Variants in EDN3 observed in about 807,000 individuals in gnomAD.
EDN3 encodes endothelin 3.
Under a neutral mutation model 21.4 loss-of-function variants are expected in EDN3, and 9 were observed. The ratio of observed to expected loss-of-function variants is 0.42; its 90% CI spans 0.25 to 0.73. EDN3 has a LOEUF of 0.73. Among genes scored for constraint, EDN3 ranks in the 30% least tolerant of loss-of-function variants. The pLI, the probability that EDN3 is intolerant of heterozygous loss-of-function variation, is 0.26. For missense variants in EDN3, 327 were observed against 309.4 expected, an observed-to-expected ratio of 1.06 and a Z score of -0.43; for synonymous variants, 133 against 126.2, an observed-to-expected ratio of 1.05 and a Z score of -0.36.
Position 59,301,741 on chromosome 20 carries a change from G to T in EDN3, c.365+19G>T. Reference sequence around the variant, plus strand: ...CTCCCGAGTAAGTCAGCCTTTTGTGGTGAGGAACGTGGCTCCCGGACCAGG... The same window carrying T: ...CTCCCGAGTAAGTCAGCCTTTTGTGTTGAGGAACGTGGCTCCCGGACCAGG... On this transcript the variant is annotated intron_variant, in intron 2 of 4. Transcript: ENST00000337938. The T allele has an allele frequency of 6.2e-7, 1 of 1,613,758 alleles. No homozygotes were observed. Among genetic ancestry groups the T allele is most frequent in the Middle Eastern group, 1.7e-4 (1 of 6,060 alleles).
chr20:59,301,808 G>C (rs942042180), intron 2 of EDN3, 86 bp downstream of exon 2: 265 of 1,465,726 alleles, frequency 1.8e-4, no homozygotes, highest in Non-Finnish European at 1.3e-4. Context: ...CTCCACCCCA[G>C]CCCCGCTCAG....
rs370683498 is a variant in EDN3, at chr20:59,322,931, A to T, written c.588+514A>T. Among the ~76,000 whole-genome samples the T allele has an allele frequency of 6.6e-6, 1 of 151,804 alleles. No individual in the cohort carries two copies. Among genetic ancestry groups the T allele is most frequent in the African/African-American group, 2.4e-5 (1 of 41,296 alleles). ...CCTTGGTTCTCCAGTTCATTGTATT[A>T]TTTTTTTTAACCCACTTGTCTTTTT... On this transcript the variant is annotated intron_variant, in intron 4 of 4. Transcript: ENST00000337938. This position sits in a 1 kb window ranked among gnomAD's most constrained non-coding sequence, Gnocchi z 4.1.
chr20:59,319,066 G>A (rs971710948), intron 2 of EDN3, among the ~76,000 whole-genome samples: 3 of 152,092 alleles, frequency 2.0e-5, no homozygotes, highest in Admixed American at 2.0e-4. Flanking sequence ...GAGAAAAAAC[G>A]GGCTTGAAGG....
chr20:59,303,460 C>T (rs1989186049), intron 2 of EDN3, among the ~76,000 whole-genome samples: 1 of 152,186 alleles, frequency 6.6e-6, no homozygotes, highest in Non-Finnish European at 1.5e-5. Flanking sequence ...TGGGCAGTCA[C>T]CAGGAACCGA....
chr20:59,321,778 G>A (rs1165058236), intron 3 of EDN3, among the ~76,000 whole-genome samples: 1 of 152,206 alleles, frequency 6.6e-6, no homozygotes, highest in Non-Finnish European at 1.5e-5. Context: ...CCCCAAGTTT[G>A]AGACCCTGTG....
In EDN3 at chr20:59,305,456, T is replaced by G. The variant is rs2146828161; in HGVS notation, c.365+3734T>G. Among the ~76,000 whole-genome samples the G allele has an allele frequency of 6.6e-6, 1 of 152,274 alleles. No homozygotes were observed. On this transcript the variant is annotated intron_variant, in intron 2 of 4. Coordinates refer to ENST00000337938, the MANE Select transcript of EDN3 (RefSeq NM_207034.3). This position sits in a 1 kb window ranked among gnomAD's most constrained non-coding sequence, Gnocchi z 4.2. ...GGGGCCTGTAGGAGTCAGGGTTCTC[T>G]AGAGAGACAGAACCAACAGGGTGTG...
intron 2 of EDN3, among the ~76,000 whole-genome samples, chr20:59,315,276 C>A (rs1342534329): frequency 1.3e-5 from 2 of 152,248 alleles, no homozygotes; most frequent in Non-Finnish European, 2.9e-5. Flanking sequence ...TGGTGCCTGG[C>A]AGCTGGGGGC....
At chr20:59,323,198 G>C (rs1473878930) in intron 4 of EDN3, among the ~76,000 whole-genome samples, 1 of 152,130 alleles carries the variant, frequency 6.6e-6, no homozygotes, top group African/African-American at 2.4e-5. Flanking sequence ...AGTCCAGAGA[G>C]GGATCTGTCA....
At chr20:59,306,597 A>G (rs950888347) in intron 2 of EDN3, among the ~76,000 whole-genome samples, 10 of 91,040 alleles carry the variant, frequency 1.1e-4, no homozygotes, top group African/African-American at 3.1e-4. Context: ...ATAAAGAGTA[A>G]AAAAAAAAAA....
intron 2 of EDN3, among the ~76,000 whole-genome samples, chr20:59,304,736 G>A (rs937984035): frequency 3.3e-5 from 5 of 152,152 alleles, no homozygotes; most frequent in African/African-American, 9.7e-5. Context: ...TCAGGCTCAA[G>A]AGACTAGTTG....
At chr20:59,316,264 A>G (rs1049816590) in intron 2 of EDN3, among the ~76,000 whole-genome samples, 1 of 152,240 alleles carries the variant, frequency 6.6e-6, no homozygotes, top group Non-Finnish European at 1.5e-5. Context: ...GTACTGGATT[A>G]AAAGTGTATG....
rs1489950048 is a variant in EDN3, at chr20:59,324,871, C to T, written c.*412C>T. The T allele has an allele frequency of 1.3e-5, 4 of 307,182 alleles. No homozygotes were observed. The highest frequency in any genetic ancestry group is 9.9e-5 in the South Asian group (3 of 30,416). The allele number at this position is 307,182 out of a possible 1,614,324, so 19.0% of individuals were successfully genotyped here. A position where few individuals can be genotyped will look rare whatever the true frequency, so the allele number is the denominator to read the frequency against. On this transcript the variant is annotated 3_prime_UTR_variant, in exon 5 of 5. Coordinates refer to ENST00000337938, the MANE Select transcript of EDN3 (RefSeq NM_207034.3). ...AAAATGCCCGTGCAGCAGAAGCATG[C>T]GACTTTCATATCCTTGCCTAGAATA...
chr20:59,303,029 G>A (rs1352278282), intron 2 of EDN3, among the ~76,000 whole-genome samples: 1 of 152,216 alleles, frequency 6.6e-6, no homozygotes, highest in Non-Finnish European at 1.5e-5. Flanking sequence ...CATGCTTGAA[G>A]GGCAGGCAGG....
intron 2 of EDN3, among the ~76,000 whole-genome samples, chr20:59,314,173 C>T (rs1045674587): frequency 2.0e-5 from 3 of 152,138 alleles, no homozygotes; most frequent in Admixed American, 6.5e-5. Flanking sequence ...AGTGCACACA[C>T]TTGGGGGAAA....
Position 59,300,823 on chromosome 20 carries a change from G to C in EDN3, c.11G>C (p.Gly4Ala), listed in dbSNP as rs202140125. 44 of 1,611,322 alleles carry C rather than the reference G, an allele frequency of 2.7e-5. 1 individual carries two copies. The African/African-American group carries it at 5.7e-4, about 21-fold the overall frequency. MEP[G>A]LWLLFGLTVT... Reference sequence around the variant, plus strand: ...GCCTGATCTAGGTTCATGGAGCCGGGGCTGTGGCTCCTTTTCGGGCTCACA... The same window carrying C: ...GCCTGATCTAGGTTCATGGAGCCGGCGCTGTGGCTCCTTTTCGGGCTCACA... The change falls in exon 1 of 5, where the codon GGG becomes GCG. Residue 4 changes from glycine to alanine, a missense_variant. Physicochemically the swap from Gly to Ala is moderately conservative, Grantham distance 60 (BLOSUM62 0). Coordinates refer to ENST00000337938, the MANE Select transcript of EDN3 (RefSeq NM_207034.3).
Position 59,321,003 on chromosome 20 carries a change from C to T in EDN3, c.366-14C>T, listed in dbSNP as rs1484452136. On this transcript the variant is annotated splice_polypyrimidine_tract_variant and intron_variant, in intron 2 of 4. Coordinates refer to ENST00000337938, the MANE Select transcript of EDN3 (RefSeq NM_207034.3). ...CCTGGGTGTGCTCACCTAACATTAC[C>T]CTGTGCTTTGCAGACAGACGGTGCC... 1.2e-6 allele frequency: 2 copies of T among 1,614,044 alleles called. No homozygotes were observed. The highest frequency in any genetic ancestry group is 8.5e-7 in the Non-Finnish European group (1 of 1,180,034).
chr20:59,315,105 T>C (rs1990090659), intron 2 of EDN3, among the ~76,000 whole-genome samples: 1 of 152,254 alleles, frequency 6.6e-6, no homozygotes, highest in Non-Finnish European at 1.5e-5. Flanking sequence ...ATTGACATTT[T>C]CCTCCCTGCC....
intron 3 of EDN3, among the ~76,000 whole-genome samples, chr20:59,321,939 G>A (rs1990572562): frequency 6.6e-6 from 1 of 152,096 alleles, no homozygotes; most frequent in African/African-American, 2.4e-5. Flanking sequence ...TTAACTTCGG[G>A]CCAAGATTCA....
rs11475273 is a variant in EDN3, at chr20:59,324,598, A to ACC, written c.*148_*149dup. On this transcript the variant is annotated 3_prime_UTR_variant, in exon 5 of 5. Coordinates refer to ENST00000337938, the MANE Select transcript of EDN3 (RefSeq NM_207034.3). ...ACCCAAAGAGTCCCCACTTAACAAT[A>ACC]CCCCCCCCCCACGGCAAGAATGCCC... The ACC allele has an allele frequency of 3.5e-4, 300 of 867,552 alleles. No individual in the cohort carries two copies. Among genetic ancestry groups the ACC allele is most frequent in the East Asian group, 1.2e-3 (38 of 31,434 alleles). The allele number at this position is 867,552 out of a possible 1,614,324, so 53.7% of individuals were successfully genotyped here.
Sources: allele counts gnomAD v4.1 joint callset (sites outside exome capture counted in the v4.1 genomes callset), GRCh38; gene constraint gnomAD v4.1.1; non-coding constraint Gnocchi (gnomAD v3.1); transcripts MANE v1.5; gene names NCBI Gene and HGNC (gene_info 2026-07-23, HGNC 2026-07-21).